The following GNB5 variants were observed in gnomAD, a reference collection of about 807,000 sequenced individuals.
GNB5 encodes guanine nucleotide-binding protein subunit beta-5.
In GNB5, 37 loss-of-function variants were observed where a neutral mutation model predicts 55.3. That is an observed-to-expected ratio of 0.67 (90% CI 0.51 to 0.88). The LOEUF is 0.88. GNB5 is among the 40% of genes least tolerant of loss of function. The probability of loss-of-function intolerance (pLI) is 0.00; values close to 1 mark genes in which losing one functional copy is unlikely to be tolerated. For missense variants in GNB5, 476 were observed against 515.3 expected (o/e 0.92, Z 0.74); for synonymous variants, 219 against 198.5 (o/e 1.10, Z -0.87).
At chr15:52,175,074 AAAACAAAC>A (rs201137198) in intron 3 of GNB5, among the ~76,000 whole-genome samples, 1 of 152,120 alleles carries the variant, frequency 6.6e-6, no homozygotes, top group South Asian at 2.1e-4. Flanking sequence ...CTCTGTCTCA[AAAACAAAC>A]AAACAAACAA....
At position 52,123,079 on chromosome 15, in the gene GNB5, C is replaced by T. The variant is rs16964737; in HGVS notation, c.1177-311G>A. 0.035 allele frequency among the ~76,000 whole-genome samples: 5,281 copies of T among 152,254 alleles called. 322 individuals carry two copies. The highest frequency in any genetic ancestry group is 0.12 in the African/African-American group (4,983 of 41,536). On this transcript the variant is annotated intron_variant, in intron 12 of 12. Transcript: ENST00000261837. ...CTAGCTACTCTTCCAGATTGACAAC[C>T]AAAACCATTTGAACCCATACAGCTC...
In GNB5 at chr15:52,122,780, C is replaced by G; in HGVS notation, c.1177-12G>C. 1.9e-6 allele frequency: 3 copies of G among 1,601,100 alleles called. No individual in the cohort carries two copies. The highest frequency in any genetic ancestry group is 2.6e-6 in the Non-Finnish European group (3 of 1,168,048). On this transcript the variant is annotated splice_polypyrimidine_tract_variant and intron_variant, in intron 12 of 12. Coordinates refer to ENST00000261837, the MANE Select transcript of GNB5 (RefSeq NM_016194.4). ...GATTAGGCCCAGACCTGTGAAGACACAAACAGATAGTTTTTAGACCTTTGT... is the reference window on the plus strand; with the variant it reads ...GATTAGGCCCAGACCTGTGAAGACAGAAACAGATAGTTTTTAGACCTTTGT...
chr15:52,157,593 T>G (rs1159019621), intron 3 of GNB5, among the ~76,000 whole-genome samples: 1 of 152,160 alleles, frequency 6.6e-6, no homozygotes, highest in African/African-American at 2.4e-5. Context: ...GTGAGCATAT[T>G]GTATTTAGTA....
chr15:52,169,567 A>G (rs75636520), intron 3 of GNB5, among the ~76,000 whole-genome samples: 4 of 149,446 alleles, frequency 2.7e-5, no homozygotes, highest in Non-Finnish European at 5.9e-5. Context: ...AAAAAAAGAA[A>G]AGAAGAGAAG....
chr15:52,155,840 C>A (rs2034197655), intron 3 of GNB5, among the ~76,000 whole-genome samples: 1 of 152,176 alleles, frequency 6.6e-6, no homozygotes. Flanking sequence ...GTTAAGGGGA[C>A]ACCTGCCAGG....
chr15:52,175,092 A>AACAC (rs908403844), intron 3 of GNB5, among the ~76,000 whole-genome samples: 1 of 151,950 alleles, frequency 6.6e-6, no homozygotes, highest in Non-Finnish European at 1.5e-5. Context: ...CAAACAAACA[A>AACAC]ACACACATAC....
Position 52,135,681 on chromosome 15 carries a change from C to T in GNB5, c.703G>A (p.Gly235Arg), listed in dbSNP as rs13380232. 6.2e-7 allele frequency: 1 copy of T among 1,613,290 alleles called. No homozygotes were observed. The highest frequency in any genetic ancestry group is 8.5e-7 in the Non-Finnish European group (1 of 1,179,748). ...ESGQLLQSFH[G>R]HGADVLCLDL... ...AAGCAGAGGACGTCAGCCCCATGTCCGTGGAAGCTCTGCAGCAGCTGCCCG... is the reference window on the plus strand; with the variant it reads ...AAGCAGAGGACGTCAGCCCCATGTCTGTGGAAGCTCTGCAGCAGCTGCCCG... The change falls in exon 8 of 13, where the codon GGA (glycine) becomes AGA (arginine). Residue 235 changes from glycine (G) to arginine (R), a missense_variant. By Grantham distance (125) the Gly-to-Arg change is moderately radical (BLOSUM62 -2). Coordinates refer to ENST00000261837, the MANE Select transcript of GNB5 (RefSeq NM_016194.4).
rs2033155905 is a variant in GNB5, at chr15:52,117,066, G to A, written c.*5691C>T. 7.3e-6 allele frequency: 1 copy of A among 136,086 alleles called. No individual in the cohort carries two copies. The highest frequency in any genetic ancestry group is 2.7e-5 in the African/African-American group (1 of 36,684). The allele number at this position is 136,086 out of a possible 1,614,324, so 8.4% of individuals were successfully genotyped here. A position where few individuals can be genotyped will look rare whatever the true frequency, so the allele number is the denominator to read the frequency against. ...AGCCTCCCGAGCAGCTGGGACTACAGGCACCTGCCACCACGCCCAGCTAAT... is the reference window on the plus strand; with the variant it reads ...AGCCTCCCGAGCAGCTGGGACTACAAGCACCTGCCACCACGCCCAGCTAAT... On this transcript the variant is annotated 3_prime_UTR_variant, in exon 13 of 13. Transcript: ENST00000261837.
At chr15:52,138,738 C>T (rs1205562949) in intron 7 of GNB5, 2 of 152,106 alleles carry the variant, frequency 1.3e-5, no homozygotes, top group Non-Finnish European at 2.9e-5. Context: ...GACACCAGGT[C>T]CAAACAATTT....
rs1199061409 is a variant in GNB5 at position 52,141,209 on chromosome 15, G to A, written c.558C>T (p.Ala186=). ...LTFDKNENMA[A]KKKSVAMHTN... ...TGTGCATAGCAACAGACTTCTTTTT[G>A]GCAGCCATGTTTTCATTTTTGTCAA... Residue 186 remains alanine, a synonymous_variant, in exon 7 of 13, where the codon GCC becomes GCT. Coordinates refer to ENST00000261837, the MANE Select transcript of GNB5 (RefSeq NM_016194.4). The A allele has an allele frequency of 1.2e-6, 2 of 1,613,672 alleles. No individual in the cohort carries two copies. Among genetic ancestry groups the A allele is most frequent in the Non-Finnish European group, 1.7e-6 (2 of 1,179,768 alleles).
chr15:52,190,266 C>T (rs542182601), intron 1 of GNB5, among the ~76,000 whole-genome samples: 14 of 151,860 alleles, frequency 9.2e-5, no homozygotes, highest in Non-Finnish European at 1.9e-4. Context: ...TACAGGCGCC[C>T]GCCACCTCAC....
chr15:52,157,828 C>T (rs1277030881), intron 3 of GNB5, among the ~76,000 whole-genome samples: 1 of 151,766 alleles, frequency 6.6e-6, no homozygotes, highest in African/African-American at 2.4e-5. Flanking sequence ...CCCACTCCAT[C>T]CTGTTTCTAT....
At chr15:52,165,042 C>T (rs1566945906) in intron 3 of GNB5, among the ~76,000 whole-genome samples, 1 of 152,108 alleles carries the variant, frequency 6.6e-6, no homozygotes, top group Non-Finnish European at 1.5e-5. Context: ...CTGAAAGATA[C>T]AACATAAGAA....
intron 12 of GNB5, among the ~76,000 whole-genome samples, chr15:52,124,003 A>AC (rs1468446783): frequency 7.8e-6 from 1 of 127,798 alleles, no homozygotes; most frequent in Non-Finnish European, 1.6e-5. Flanking sequence ...CTATAGAAAA[A>AC]CCAAAAAAAA....
At chr15:52,129,963 G>A (rs1596057055) in intron 9 of GNB5, among the ~76,000 whole-genome samples, 1 of 152,146 alleles carries the variant, frequency 6.6e-6, no homozygotes, top group African/African-American at 2.4e-5. Context: ...TATATTTCTA[G>A]TCTTCCTGTA....
intron 3 of GNB5, among the ~76,000 whole-genome samples, chr15:52,173,376 A>G (rs116753187): frequency 0.012 from 1,760 of 152,332 alleles, 26 homozygotes; most frequent in African/African-American, 0.041. Context: ...TGCCCAGCAC[A>G]TTTACTGCTT....
chr15:52,149,640 G>T (rs2034048841), intron 5 of GNB5: 1 of 597,450 alleles, frequency 1.7e-6, no homozygotes, highest in Admixed American at 2.9e-5. Context: ...TTCCATGTTG[G>T]TATTGGCAGC....
At chr15:52,134,241 G>C (rs2033645439) in intron 8 of GNB5, among the ~76,000 whole-genome samples, 1 of 152,220 alleles carries the variant, frequency 6.6e-6, no homozygotes. Context: ...ATGTTATCAA[G>C]CTTAAGTAGT....
At chr15:52,158,771 A>G (rs1479420324) in intron 3 of GNB5, among the ~76,000 whole-genome samples, 2 of 151,496 alleles carry the variant, frequency 1.3e-5, no homozygotes, top group African/African-American at 4.9e-5. Flanking sequence ...TACAGCTCAA[A>G]CTCTTTCCTA....
Sources: gnomAD v4.1 joint callset for allele counts (sites outside exome capture counted in the v4.1 genomes callset) on GRCh38, gnomAD v4.1.1 for gene constraint, MANE v1.5 for transcripts, NCBI Gene and HGNC (gene_info 2026-07-23, HGNC 2026-07-21) for gene names.